NTRK3: variants seen among roughly 807,000 people sequenced by gnomAD.
NTRK3 encodes NT-3 growth factor receptor.
In NTRK3, 24 loss-of-function variants were observed where a neutral mutation model predicts 91.7. The observed-to-expected ratio is 0.26, with a 90% confidence interval of 0.19 to 0.37. NTRK3 has a LOEUF of 0.37. Ranked by LOEUF, NTRK3 falls within the 10% of genes least tolerant of loss-of-function variation. The pLI is 1.00. For missense variants in NTRK3, 880 were observed against 1,068.9 expected, an observed-to-expected ratio of 0.82 and a Z score of 2.46; for synonymous variants, 483 against 404.0, an observed-to-expected ratio of 1.20 and a Z score of -2.34.
chr15:88,161,405 G>A (rs1448696732), intron 5 of NTRK3, among the ~76,000 whole-genome samples: 1 of 152,132 alleles, frequency 6.6e-6, no homozygotes. Context: ...CGTTACTAGG[G>A]CCCTGTCTCC....
chr15:88,001,114 T>C (rs566909555), intron 14 of NTRK3, among the ~76,000 whole-genome samples: 1 of 152,300 alleles, frequency 6.6e-6, no homozygotes, highest in South Asian at 2.1e-4. Context: ...ATGAGCAACT[T>C]TTCCTGTGCT....
At chr15:87,950,965 G>C (rs2071051289) in intron 14 of NTRK3, among the ~76,000 whole-genome samples, 3 of 152,200 alleles carry the variant, frequency 2.0e-5, no homozygotes, top group Admixed American at 2.0e-4. Flanking sequence ...CATGTCTTCA[G>C]GACAGTTTTT....
rs189346631 is a variant in NTRK3 at position 88,250,103 on chromosome 15, G to A, written c.248+5803C>T. Among the ~76,000 whole-genome samples, 34 of 152,230 alleles carry A rather than the reference G, an allele frequency of 2.2e-4. 1 individual carries two copies. The East Asian group carries it at 6.0e-3, about 27-fold the overall frequency. On this transcript the variant is annotated intron_variant, in intron 3 of 18. Transcript: ENST00000394480. ...TTTCTCTGGGGCCGTAAGTATTCCC[G>A]CTTCCAAATCTCATGTCAATAGCCC...
intron 10 of NTRK3, among the ~76,000 whole-genome samples, chr15:88,129,616 T>A (rs2053614790): frequency 6.6e-6 from 1 of 152,122 alleles, no homozygotes; most frequent in Non-Finnish European, 1.5e-5. Context: ...AATGGATGAT[T>A]TCAGGGCCGG....
chr15:88,188,729 G>A lies in NTRK3; in HGVS notation c.249-4430C>T, dbSNP rs533520962. On this transcript the variant is annotated intron_variant, in intron 3 of 18. Transcript: ENST00000394480. The stretch of plus-strand genomic sequence containing the variant: ...CTCCCAGGACCCTCTCAAGTCACAG[G>A]CATTTCTTGAGAGGAAATGAGGGGT... Among the ~76,000 whole-genome samples, 15 of 152,322 alleles carry A rather than the reference G, an allele frequency of 9.8e-5. 2 individuals are homozygous for A. In the South Asian group the frequency reaches 3.1e-3, roughly 32 times the overall value.
chr15:88,164,227 G>A (rs1302281697), intron 5 of NTRK3, among the ~76,000 whole-genome samples: 1 of 152,238 alleles, frequency 6.6e-6, no homozygotes, highest in Non-Finnish European at 1.5e-5. Flanking sequence ...CCACACGGTG[G>A]TGGGCTGCAG....
At chr15:88,117,039 T>G (rs1251450747) in intron 13 of NTRK3, among the ~76,000 whole-genome samples, 1 of 152,228 alleles carries the variant, frequency 6.6e-6, no homozygotes, top group Non-Finnish European at 1.5e-5. Flanking sequence ...TCCTCAACCT[T>G]AGCTGCACAT....
intron 3 of NTRK3, among the ~76,000 whole-genome samples, chr15:88,197,094 C>CAAAAAAAAAAAAAAAAAAA (rs59553739): frequency 3.5e-5 from 2 of 56,510 alleles, no homozygotes; most frequent in Non-Finnish European, 7.2e-5. Context: ...TTGAGCAGGA[C>CAAAAAAAAAAAAAAAAAAA]AAAAAAAAAA....
intron 13 of NTRK3, among the ~76,000 whole-genome samples, chr15:88,099,526 A>G (rs1218038098): frequency 6.6e-6 from 1 of 152,200 alleles, no homozygotes; most frequent in African/African-American, 2.4e-5. Context: ...GTATTCCCTG[A>G]AACTCTTAAT....
chr15:88,128,302 A>G (rs1292516799), intron 11 of NTRK3, among the ~76,000 whole-genome samples: 3 of 152,190 alleles, frequency 2.0e-5, no homozygotes, highest in African/African-American at 4.8e-5. Flanking sequence ...GTCCTGGCCA[A>G]GTGCTCAGGC....
chr15:88,099,722 G>A (rs77007334), intron 13 of NTRK3, among the ~76,000 whole-genome samples: 2,521 of 152,232 alleles, frequency 0.017, 52 homozygotes, highest in African/African-American at 0.054. Context: ...AGGGGTGGGG[G>A]AAACTTAAAA....
chr15:88,071,642 C>T (rs773779750), intron 13 of NTRK3, among the ~76,000 whole-genome samples: 2 of 152,162 alleles, frequency 1.3e-5, no homozygotes, highest in Non-Finnish European at 2.9e-5. Context: ...AGAGGTAAGA[C>T]GTTATTATTC....
intron 7 of NTRK3, among the ~76,000 whole-genome samples, chr15:88,136,840 G>A (rs552406915): frequency 3.3e-5 from 5 of 152,270 alleles, no homozygotes; most frequent in South Asian, 2.1e-4. Context: ...ACATTGCAGC[G>A]GCAGGTTGCG....
exon 19 of NTRK3, chr15:87,860,907 ACTG>A (rs1243919214): frequency 2.1e-4 from 46 of 222,006 alleles, no homozygotes; most frequent in African/African-American, 2.7e-4. Context: ...AAGCACCTCA[ACTG>A]CTGTGGTCAA....
chr15:88,159,858 C>T (rs1216898330), intron 5 of NTRK3, among the ~76,000 whole-genome samples: 1 of 151,606 alleles, frequency 6.6e-6, no homozygotes, highest in Non-Finnish European at 1.5e-5. Context: ...AAAGGGAGGT[C>T]CCTGCTGCCC....
intron 14 of NTRK3, among the ~76,000 whole-genome samples, chr15:88,009,832 C>T (rs2076747283): frequency 6.6e-6 from 1 of 152,152 alleles, no homozygotes; most frequent in Non-Finnish European, 1.5e-5. Flanking sequence ...ACAGGAGGCA[C>T]CTCTGCTCCT....
chr15:88,153,680 G>T (rs141741410), intron 5 of NTRK3, among the ~76,000 whole-genome samples: 1 of 152,000 alleles, frequency 6.6e-6, no homozygotes. Flanking sequence ...AGTTCTAGAG[G>T]TTAAGAGGTC....
At chr15:88,078,222 T>C (rs1567349605) in intron 13 of NTRK3, among the ~76,000 whole-genome samples, 1 of 152,298 alleles carries the variant, frequency 6.6e-6, no homozygotes, top group South Asian at 2.1e-4. Context: ...GTACACCCTA[T>C]TGTATGTTCT....
Position 88,112,688 on chromosome 15 carries a change from G to A in NTRK3, c.1396+13583C>T, listed in dbSNP as rs142440930. Among the ~76,000 whole-genome samples the A allele has an allele frequency of 1.2e-4, 19 of 152,304 alleles. No homozygotes were observed. In the East Asian group the frequency reaches 2.5e-3, roughly 20 times the overall value. On this transcript the variant is annotated intron_variant, in intron 13 of 18. Coordinates refer to ENST00000394480, the Ensembl canonical transcript of NTRK3. ...AAAAAAGTCTCCTGTCAGGAGCCTG[G>A]CTCTAAGGGCTCTTGGTCCCAGTGA...
Sources: gnomAD v4.1 joint callset for allele counts (sites outside exome capture counted in the v4.1 genomes callset) on GRCh38, gnomAD v4.1.1 for gene constraint, MANE v1.5 for transcripts, NCBI Gene and HGNC (gene_info 2026-07-23, HGNC 2026-07-21) for gene names.